PPEF1: variants seen among roughly 807,000 people sequenced by gnomAD.
PPEF1 encodes serine/threonine-protein phosphatase with EF-hands 1.
PPEF1 carries 12 observed loss-of-function variants against 53.3 expected under a neutral mutation model. The observed-to-expected ratio is 0.23, with a 90% CI of 0.14 to 0.36. PPEF1 has a LOEUF of 0.36. Ranked by LOEUF, PPEF1 falls within the 10% of genes least tolerant of loss-of-function variation. The pLI is 1.00. For missense variants in PPEF1, 334 were observed against 490.4 expected (o/e 0.68, Z 3.01); for synonymous variants, 165 against 176.7 (o/e 0.93, Z 0.52).
At chrX:18,756,327 G>A (rs762457827) in intron 4 of PPEF1, among the ~76,000 whole-genome samples, 14 of 109,381 alleles carry the variant, frequency 1.3e-4, no homozygotes, top group Admixed American at 9.8e-4. Flanking sequence ...CTACAGGCGC[G>A]CCCCACCATG....
intron 2 of PPEF1, among the ~76,000 whole-genome samples, chrX:18,685,941 T>A (rs1215759759): frequency 9.0e-6 from 1 of 110,895 alleles, no homozygotes. Context: ...GAAGAGAAAT[T>A]TGAATGAATT....
At chrX:18,702,352 C>T (rs1930187635) in intron 6 of PPEF1, among the ~76,000 whole-genome samples, 1 of 109,029 alleles carries the variant, frequency 9.2e-6, no homozygotes, top group South Asian at 4.1e-4. Flanking sequence ...ACTATGGGTT[C>T]CAGGTTTTCA....
chrX:18,805,637 G>A (rs2046642802), intron 11 of PPEF1, among the ~76,000 whole-genome samples: 2 of 109,593 alleles, frequency 1.8e-5, no homozygotes, highest in Admixed American at 2.0e-4. Context: ...GAGGTCAAGA[G>A]ATCGAGACCA....
At chrX:18,771,467 T>A (rs983007592) in intron 6 of PPEF1, among the ~76,000 whole-genome samples, 8 of 111,986 alleles carry the variant, frequency 7.1e-5, no homozygotes, top group Non-Finnish European at 1.3e-4. Flanking sequence ...CCAAGAATCT[T>A]AATTCAAGGA....
chrX:18,707,946 A>G, intron 1 of PPEF1, 120 bp downstream of exon 1: 2 of 596,378 alleles, frequency 3.4e-6, no homozygotes, highest in Non-Finnish European at 2.7e-6. Flanking sequence ...GATTTGCACA[A>G]GGCATCGTTA....
chrX:18,681,925 G>A (rs954206371), upstream of PPEF1, among the ~76,000 whole-genome samples: 3 of 112,248 alleles, frequency 2.7e-5, no homozygotes, highest in Non-Finnish European at 3.8e-5. Context: ...TGCACTGTCC[G>A]CGGAACTGGA....
chrX:18,788,265 A>G (rs1207253877), intron 9 of PPEF1, among the ~76,000 whole-genome samples: 2 of 93,236 alleles, frequency 2.1e-5, no homozygotes, highest in Admixed American at 1.3e-4. Flanking sequence ...AGATCGCGCC[A>G]CTGCACTCCA....
chrX:18,732,196 T>C (rs1363248679), intron 2 of PPEF1, among the ~76,000 whole-genome samples: 1 of 113,069 alleles, frequency 8.8e-6, no homozygotes, highest in Non-Finnish European at 1.9e-5. Flanking sequence ...TTTTAGTTAA[T>C]ATTACTCATT....
chrX:18,707,953 G>A (rs1305233880), intron 1 of PPEF1, 127 bp downstream of exon 1: 6 of 541,667 alleles, frequency 1.1e-5, no homozygotes, highest in East Asian at 1.1e-4. Context: ...ACAAGGCATC[G>A]TTAGAGTAGC....
At chrX:18,717,988 C>G (rs947259292) in intron 1 of PPEF1, among the ~76,000 whole-genome samples, 2 of 111,704 alleles carry the variant, frequency 1.8e-5, no homozygotes, top group African/African-American at 6.5e-5. Context: ...CATCTGAAAT[C>G]ATGATTCCTC....
chrX:18,761,499 A>G (rs763117786), intron 5 of PPEF1, 31 bp from the exon 6 acceptor site: 9 of 1,177,873 alleles, frequency 7.6e-6, no homozygotes, highest in Non-Finnish European at 3.5e-6. Context: ...CTTGTTCTCT[A>G]CTGAATACTG....
intron 3 of PPEF1, among the ~76,000 whole-genome samples, chrX:18,689,668 T>C (rs1429187848): frequency 9.1e-6 from 1 of 109,408 alleles, no homozygotes; most frequent in Admixed American, 9.7e-5. Flanking sequence ...CGGGAATCTG[T>C]GTTTTGACAA....
chrX:18,711,537 G>A (rs886171593), intron 1 of PPEF1, among the ~76,000 whole-genome samples: 3 of 111,598 alleles, frequency 2.7e-5, no homozygotes, highest in Admixed American at 9.6e-5. Flanking sequence ...TGATTTTCAC[G>A]TATGGTGTGA....
At chrX:18,786,103 C>T (rs2046192177) in intron 9 of PPEF1, among the ~76,000 whole-genome samples, 1 of 112,359 alleles carries the variant, frequency 8.9e-6, no homozygotes, top group African/African-American at 3.2e-5. Context: ...ATGCCACATT[C>T]CATCACCACC....
chrX:18,804,162 A>G, intron 11 of PPEF1, 85 bp downstream of exon 11: 1 of 908,759 alleles, frequency 1.1e-6, no homozygotes, highest in Non-Finnish European at 1.5e-6. Context: ...CTGGCCTAGA[A>G]GCCCATGAGA....
chrX:18,786,241 A>G (rs1222141259), intron 9 of PPEF1, among the ~76,000 whole-genome samples: 1 of 111,512 alleles, frequency 9.0e-6, no homozygotes, highest in Non-Finnish European at 1.9e-5. Flanking sequence ...TATTGAGAAG[A>G]TGCCTCTGGG....
At chrX:18,802,984 C>A (rs769141335) in intron 10 of PPEF1, among the ~76,000 whole-genome samples, 2 of 111,121 alleles carry the variant, frequency 1.8e-5, no homozygotes, top group African/African-American at 6.5e-5. Flanking sequence ...GTAGGGGAGA[C>A]CCTAACCCAG....
At chrX:18,689,368 G>C (rs1304326996) in intron 3 of PPEF1, among the ~76,000 whole-genome samples, 1 of 107,007 alleles carries the variant, frequency 9.3e-6, no homozygotes, top group Non-Finnish European at 1.9e-5. Context: ...TGTAGTCCCA[G>C]CTACTTGGGA....
In PPEF1 at chrX:18,806,486, T is replaced by G; in HGVS notation, c.1335T>G (p.Thr445=). 1 of 1,209,254 alleles carries G rather than the reference T, an allele frequency of 8.3e-7. No individual in the cohort carries two copies. The highest frequency in any genetic ancestry group is 1.8e-5 in the South Asian group (1 of 56,782). ...ACATCAAACTATGTTCTGGTACAAC[T>G]CCTCGATTTTTCCAGTACCAAGTAA... is the stretch of plus-strand genomic sequence containing the variant. ...GAYIKLCSGT[T]PRFFQYQVTK... is the part of the protein sequence containing the mutation. The change falls in exon 12 of 16, where the codon ACT becomes ACG. Residue 445 remains threonine (T), a synonymous_variant. Transcript: ENST00000470157.
Sources: gnomAD v4.1 joint callset for allele counts (sites outside exome capture counted in the v4.1 genomes callset) on GRCh38, gnomAD v4.1.1 for gene constraint, MANE v1.5 for transcripts, NCBI Gene and HGNC (gene_info 2026-07-23, HGNC 2026-07-21) for gene names.